The following PKHD1 variants were observed in gnomAD, a reference collection of about 807,000 sequenced individuals.
The protein encoded by PKHD1 is fibrocystin.
Under a neutral mutation model 412.0 loss-of-function variants are expected in PKHD1, and 291 were observed. The ratio of observed to expected loss-of-function variants is 0.71; its 90% CI spans 0.64 to 0.78. PKHD1 has a LOEUF of 0.78. Among genes scored for constraint, PKHD1 ranks in the 30% least tolerant of loss-of-function variants. PKHD1 has a pLI of 0.00. For synonymous variants in PKHD1, 1,777 were observed against 1,821.5 expected (o/e 0.98, Z 0.62); for missense variants, 4,825 against 4,950.7 (o/e 0.97, Z 0.76).
intron 48 of PKHD1, among the ~76,000 whole-genome samples, chr6:51,862,382 T>C (rs1266236174): frequency 6.6e-6 from 1 of 152,224 alleles, no homozygotes; most frequent in Non-Finnish European, 1.5e-5. Flanking sequence ...TCCATTGTGA[T>C]TTTTAGATCT....
intron 34 of PKHD1, among the ~76,000 whole-genome samples, chr6:52,012,631 G>A (rs1799955829): frequency 1.3e-5 from 2 of 152,200 alleles, no homozygotes; most frequent in African/African-American, 4.8e-5. Flanking sequence ...GGAATCAAAT[G>A]CAAAATTCAC....
chr6:51,965,007 CATTCATTAA>C (rs1307799225), intron 35 of PKHD1, among the ~76,000 whole-genome samples: 4 of 151,912 alleles, frequency 2.6e-5, no homozygotes, highest in African/African-American at 9.7e-5. Flanking sequence ...GTCTTCATAC[CATTCATTAA>C]ATAACATTTA....
intron 33 of PKHD1, among the ~76,000 whole-genome samples, chr6:52,022,032 T>C (rs1272413620): frequency 6.6e-6 from 1 of 152,222 alleles, no homozygotes. Context: ...TGGCTAAATG[T>C]GAGCTATCTC....
chr6:51,743,495 C>T (rs918493767), intron 60 of PKHD1, among the ~76,000 whole-genome samples: 2 of 152,014 alleles, frequency 1.3e-5, no homozygotes, highest in Non-Finnish European at 2.9e-5. Flanking sequence ...CAAGTAAAGT[C>T]AGTTGGCTAT....
At chr6:51,809,677 A>G (rs1764388418) in intron 52 of PKHD1, among the ~76,000 whole-genome samples, 1 of 151,948 alleles carries the variant, frequency 6.6e-6, no homozygotes, top group East Asian at 1.9e-4. Context: ...CAAGGTTTTC[A>G]GGGGGTTTTT....
chr6:51,637,686 A>T (rs1305120603), intron 64 of PKHD1, among the ~76,000 whole-genome samples: 2 of 152,060 alleles, frequency 1.3e-5, no homozygotes, highest in African/African-American at 4.8e-5. Flanking sequence ...CAGGCGAATC[A>T]CGAGGTCAGA....
chr6:51,726,102 G>A (rs1331421345), intron 60 of PKHD1, among the ~76,000 whole-genome samples: 1 of 152,152 alleles, frequency 6.6e-6, no homozygotes, highest in African/African-American at 2.4e-5. Flanking sequence ...CTCAAACTCA[G>A]CTATTTGGGT....
chr6:51,711,085 G>A (rs112053116), intron 60 of PKHD1, among the ~76,000 whole-genome samples: 1 of 152,210 alleles, frequency 6.6e-6, no homozygotes, highest in East Asian at 1.9e-4. Flanking sequence ...TACTGCATGA[G>A]ATGAACCACT....
chr6:51,950,220 A>AAAAAAAAAAAAAAAATATATAT, intron 36 of PKHD1, among the ~76,000 whole-genome samples: 4 of 98,302 alleles, frequency 4.1e-5, no homozygotes, highest in African/African-American at 1.1e-4. Context: ...GAAAAAAAAA[A>AAAAAAAAAAAAAAAATATATAT]ATATATATAT....
intron 61 of PKHD1, among the ~76,000 whole-genome samples, chr6:51,653,716 A>C (rs930651909): frequency 2.0e-5 from 3 of 152,136 alleles, no homozygotes; most frequent in African/African-American, 7.2e-5. Flanking sequence ...TTCAGGGGAC[A>C]ACTACACCTC....
Position 51,618,934 on chromosome 6 carries a change from T to C in PKHD1, c.*147A>G. On this transcript the variant is annotated 3_prime_UTR_variant, in exon 67 of 67. Coordinates refer to ENST00000371117, the MANE Select transcript of PKHD1 (RefSeq NM_138694.4). ...GTCTGTAAGCATTTATATGACTGTTTTCCATTTTAAAGTTGAAAAAGGGAT... is the reference window on the plus strand; with the variant it reads ...GTCTGTAAGCATTTATATGACTGTTCTCCATTTTAAAGTTGAAAAAGGGAT... The C allele has an allele frequency of 1.2e-5, 9 of 772,884 alleles. No individual in the cohort carries two copies. In the South Asian group the frequency reaches 1.4e-4, roughly 12 times the overall value. The allele number at this position is 772,884 out of a possible 1,614,324, so 47.9% of individuals were successfully genotyped here. A position where few individuals can be genotyped will look rare whatever the true frequency, so the allele number is the denominator to read the frequency against.
In PKHD1 at chr6:51,744,483, A is replaced by C. The variant is rs777377414; in HGVS notation, c.10058T>G (p.Leu3353Arg). ...ELDCASPRKY[L>R]FKDLDGRALG... ...GGCTCTCCCATCCAGATCCTTGAAG[A>C]GATATTTTCTTGGACTTGCACAGTC... is the stretch of plus-strand genomic sequence containing the variant. The change falls in exon 60 of 67, where the codon CTC becomes CGC. Residue 3353 changes from leucine (L) to arginine (R), a missense_variant. By Grantham distance (102) the Leu-to-Arg change is moderately radical. Coordinates refer to ENST00000371117, the MANE Select transcript of PKHD1 (RefSeq NM_138694.4). 2.5e-6 allele frequency: 4 copies of C among 1,613,122 alleles called. No homozygotes were observed. The East Asian group carries it at 8.9e-5, about 36-fold the overall frequency.
At chr6:51,623,904 CTG>C (rs1177723787) in intron 66 of PKHD1, among the ~76,000 whole-genome samples, 2 of 152,048 alleles carry the variant, frequency 1.3e-5, no homozygotes, top group African/African-American at 4.8e-5. Context: ...TTTATATATG[CTG>C]TGTTTCTTAG....
chr6:51,934,350 C>A, intron 36 of PKHD1, 28 bp from the exon 37 acceptor site: 1 of 1,466,532 alleles, frequency 6.8e-7, no homozygotes, highest in Non-Finnish European at 9.6e-7. Flanking sequence ...AATTGTCAGT[C>A]CCTGGGAGGA....
intron 60 of PKHD1, among the ~76,000 whole-genome samples, chr6:51,734,067 T>G (rs1783544569): frequency 6.6e-6 from 1 of 152,238 alleles, no homozygotes; most frequent in Non-Finnish European, 1.5e-5. Flanking sequence ...TTTCCCAGAA[T>G]GTGTTCTGAA....
At chr6:52,054,868 A>G (rs988854123) in intron 19 of PKHD1, among the ~76,000 whole-genome samples, 1 of 152,110 alleles carries the variant, frequency 6.6e-6, no homozygotes, top group African/African-American at 2.4e-5. Context: ...AGAAGGGAGG[A>G]GCTCAAGCCT....
chr6:51,648,051 G>A lies in PKHD1; in HGVS notation c.11378C>T (p.Ala3793Val), dbSNP rs1299129734. 1.9e-6 allele frequency: 3 copies of A among 1,600,036 alleles called. No homozygotes were observed. In the East Asian group the frequency reaches 6.7e-5, roughly 36 times the overall value. The change falls in exon 63 of 67, where the codon GCA (alanine) becomes GTA (valine). Residue 3793 changes from alanine to valine, a missense_variant. Physicochemically the swap from Ala to Val is moderately conservative, Grantham distance 64. Coordinates refer to ENST00000371117, the MANE Select transcript of PKHD1 (RefSeq NM_138694.4). The stretch of plus-strand genomic sequence containing the variant: ...CCTACCTTTTAGCACTGAGTCTGAT[G>A]CTCCTTCCAGGGAAGCTGAAATTGT... ...PWTISASLEG[A>V]SDSVLKGCTQ...
At chr6:52,019,195 C>T (rs766584461) in intron 33 of PKHD1, among the ~76,000 whole-genome samples, 6 of 152,214 alleles carry the variant, frequency 3.9e-5, no homozygotes, top group Non-Finnish European at 5.9e-5. Context: ...GCTTCCTCTG[C>T]AGCAAGCCTG....
At chr6:52,071,095 AGAAT>A in intron 8 of PKHD1, 25 bp from the exon 9 acceptor site, 1 of 1,479,222 alleles carries the variant, frequency 6.8e-7, no homozygotes, top group Non-Finnish European at 9.5e-7. Flanking sequence ...AACTGAGGTA[AGAAT>A]GACCAGACAA....
Sources: allele counts gnomAD v4.1 joint callset (sites outside exome capture counted in the v4.1 genomes callset), GRCh38; gene constraint gnomAD v4.1.1; transcripts MANE v1.5; gene names NCBI Gene and HGNC (gene_info 2026-07-23, HGNC 2026-07-21).